KIDINS220: variants seen among roughly 807,000 people sequenced by gnomAD.
KIDINS220 encodes kinase D-interacting substrate of 220 kDa.
Under a neutral mutation model 157.6 loss-of-function variants are expected in KIDINS220, and 63 were observed. That is an observed-to-expected ratio of 0.40 (90% CI 0.33 to 0.49). The LOEUF (loss-of-function observed/expected upper bound fraction) is 0.49, where lower values mean the gene tolerates loss of function less well. KIDINS220 is among the 20% of genes least tolerant of loss of function. The pLI is 0.66. For missense variants in KIDINS220, 1,772 were observed against 2,171.2 expected, an observed-to-expected ratio of 0.82 and a Z score of 3.65; for synonymous variants, 732 against 783.6, an observed-to-expected ratio of 0.93 and a Z score of 1.10.
At chr2:8,739,820 TTAAAAA>T (rs1478164163) in intron 26 of KIDINS220, among the ~76,000 whole-genome samples, 1 of 152,190 alleles carries the variant, frequency 6.6e-6, no homozygotes, top group Non-Finnish European at 1.5e-5. Context: ...GTTTAAACTG[TTAAAAA>T]TAAACTACAA....
chr2:8,772,302 C>T (rs1670339164), intron 21 of KIDINS220, among the ~76,000 whole-genome samples: 1 of 151,906 alleles, frequency 6.6e-6, no homozygotes, highest in Admixed American at 6.6e-5. Flanking sequence ...ATGGTGAAAC[C>T]CCGCCTCTAC....
At chr2:8,733,014 G>A (rs976345084) in intron 29 of KIDINS220, among the ~76,000 whole-genome samples, 1 of 152,238 alleles carries the variant, frequency 6.6e-6, no homozygotes, top group Non-Finnish European at 1.5e-5. Flanking sequence ...TATCCGTGAA[G>A]GGTGTGCAGG....
Position 8,750,266 on chromosome 2 carries a change from CCCT to C in KIDINS220, c.3257_3259del (p.Glu1086del), listed in dbSNP as rs1184472284. Reference sequence around the variant, plus strand: ...GTACCCTGATGGCGCCCTAGGAGGACCCTCATGTAGAGGGAGCGGGGGGTACGC... The same window carrying C: ...GTACCCTGATGGCGCCCTAGGAGGACCATGTAGAGGGAGCGGGGGGTACGC... On this transcript the variant is annotated inframe_deletion, in exon 24 of 30. Coordinates refer to ENST00000256707, the MANE Select transcript of KIDINS220 (RefSeq NM_020738.4). 17 of 1,613,756 alleles carry C rather than the reference CCCT, an allele frequency of 1.1e-5. No homozygotes were observed. The Admixed American group carries it at 2.7e-4, about 25-fold the overall frequency.
intron 2 of KIDINS220, among the ~76,000 whole-genome samples, chr2:8,822,826 C>A (rs1378471882): frequency 2.0e-5 from 3 of 151,976 alleles, no homozygotes; most frequent in African/African-American, 7.3e-5. Context: ...CTATAAAGGA[C>A]AAAGATTTGC....
intron 2 of KIDINS220, among the ~76,000 whole-genome samples, chr2:8,822,442 T>A (rs546512846): frequency 6.6e-6 from 1 of 152,138 alleles, no homozygotes; most frequent in South Asian, 2.1e-4. Flanking sequence ...TGGGCAACAT[T>A]GTGAAACTTC....
intron 26 of KIDINS220, among the ~76,000 whole-genome samples, chr2:8,739,261 C>T (rs1377591661): frequency 6.6e-6 from 1 of 152,108 alleles, no homozygotes; most frequent in Non-Finnish European, 1.5e-5. Flanking sequence ...ATATATGTTA[C>T]CTCTGAATTA....
At chr2:8,742,095 G>A (rs1665705961) in intron 26 of KIDINS220, among the ~76,000 whole-genome samples, 1 of 151,932 alleles carries the variant, frequency 6.6e-6, no homozygotes, top group African/African-American at 2.4e-5. Context: ...TAAACCAGTG[G>A]TGAAAATAAA....
At chr2:8,763,314 G>A (rs1669020855) in intron 22 of KIDINS220, among the ~76,000 whole-genome samples, 1 of 152,148 alleles carries the variant, frequency 6.6e-6, no homozygotes, top group Non-Finnish European at 1.5e-5. Context: ...AAATGCTTGG[G>A]ACTAGAAGTG....
At position 8,729,761 on chromosome 2, in the gene KIDINS220, T is replaced by A; in HGVS notation, c.*959A>T. 1 of 982,846 alleles carries A rather than the reference T, an allele frequency of 1.0e-6. No individual in the cohort carries two copies. Among genetic ancestry groups the A allele is most frequent in the Non-Finnish European group, 1.2e-6 (1 of 827,496 alleles). The allele number at this position is 982,846 out of a possible 1,614,324, so 60.9% of individuals were successfully genotyped here. ...GATTTAGTTTTACCTAATTAAATATTTCCTTGTCATTTATCAATTGTCACT... is the reference window on the plus strand; with the variant it reads ...GATTTAGTTTTACCTAATTAAATATATCCTTGTCATTTATCAATTGTCACT... On this transcript the variant is annotated 3_prime_UTR_variant, in exon 30 of 30. Transcript: ENST00000256707.
At chr2:8,726,784 G>C, downstream of KIDINS220, 1 of 472,900 alleles carries the variant, frequency 2.1e-6, no homozygotes, top group Non-Finnish European at 3.9e-6. Context: ...TATAGTATTA[G>C]AATCTTATGG....
intron 26 of KIDINS220, among the ~76,000 whole-genome samples, chr2:8,744,917 G>A (rs1215586400): frequency 6.6e-6 from 1 of 152,106 alleles, no homozygotes; most frequent in Non-Finnish European, 1.5e-5. Context: ...TCTTTTCATA[G>A]TAAAATAAAA....
chr2:8,772,332 C>T (rs772849052), intron 21 of KIDINS220, among the ~76,000 whole-genome samples: 3 of 151,872 alleles, frequency 2.0e-5, no homozygotes, highest in Non-Finnish European at 2.9e-5. Context: ...AAAAATTAGC[C>T]GAGCGTGGTG....
rs747742551 is a variant in KIDINS220, at chr2:8,750,152, T to TA, written c.3373dup (p.Tyr1125LeufsTer61). On this transcript the variant is annotated frameshift_variant, in exon 24 of 30. Transcript: ENST00000256707. LOFTEE classifies it high-confidence loss of function. Reference sequence around the variant, plus strand: ...ATGCTGAGGGCCCGTCATGCCGCTGTAATAGCTGCTGTGAGGCTGTGGTGA... The same window carrying TA: ...ATGCTGAGGGCCCGTCATGCCGCTGTAAATAGCTGCTGTGAGGCTGTGGTGA... The TA allele has an allele frequency of 6.2e-7, 1 of 1,614,040 alleles. No individual in the cohort carries two copies. Among genetic ancestry groups the TA allele is most frequent in the African/African-American group, 1.3e-5 (1 of 74,928 alleles).
At chr2:8,808,336 C>T (rs1428747712) in intron 6 of KIDINS220, among the ~76,000 whole-genome samples, 3 of 152,138 alleles carry the variant, frequency 2.0e-5, no homozygotes, top group African/African-American at 7.2e-5. Context: ...CTTCATAAAG[C>T]CTTTTAAAAA....
At position 8,736,983 on chromosome 2, in the gene KIDINS220, G is replaced by A; in HGVS notation, c.3602C>T (p.Pro1201Leu). ...TGAATTCAGTAATACCACTGGGCCT[G>A]GGGCTGGGCCTGACCCCTAGAGAAG... ...TDSSRGSGPA[P>L]GPVVLLNSLN... Residue 1201 changes from proline (P) to leucine (L), a missense_variant, in exon 27 of 30, where the codon CCA (proline) becomes CTA (leucine). Around this residue, in one of 3 missense-constraint regions of KIDINS220, gnomAD observed 793 missense variants for 885.5 expected, o/e 0.90. Coordinates refer to ENST00000256707, the MANE Select transcript of KIDINS220 (RefSeq NM_020738.4). 6.2e-7 allele frequency: 1 copy of A among 1,614,172 alleles called. No homozygotes were observed.
intron 11 of KIDINS220, 127 bp downstream of exon 11, chr2:8,796,644 C>T: frequency 1.3e-6 from 1 of 762,964 alleles, no homozygotes; most frequent in Non-Finnish European, 2.3e-6. Context: ...AAAGCCCACA[C>T]AGACATCCCC....
intron 24 of KIDINS220, chr2:8,749,434 T>C (rs1253657447): frequency 2.2e-6 from 1 of 456,110 alleles, no homozygotes; most frequent in South Asian, 1.6e-5. Context: ...ACAGGAAATA[T>C]TAGTGTTTGA....
chr2:8,824,435 C>CT (rs2148424174), intron 2 of KIDINS220, among the ~76,000 whole-genome samples: 1 of 152,296 alleles, frequency 6.6e-6, no homozygotes, highest in African/African-American at 2.4e-5. Context: ...AATCCCAGGA[C>CT]TTTGGGAGGT....
At chr2:8,825,755 A>C (rs1678685835) in intron 2 of KIDINS220, 1 of 152,204 alleles carries the variant, frequency 6.6e-6, no homozygotes, top group Non-Finnish European at 1.5e-5. Context: ...TATTTATACA[A>C]AACTGTATTA....
Sources: allele counts gnomAD v4.1 joint callset (sites outside exome capture counted in the v4.1 genomes callset), GRCh38; gene constraint gnomAD v4.1.1; regional missense constraint gnomAD v4.1.1; transcripts MANE v1.5; gene names NCBI Gene and HGNC (gene_info 2026-07-23, HGNC 2026-07-21).